The following ACTR3C variants were observed in gnomAD, a reference collection of about 807,000 sequenced individuals.
ACTR3C encodes actin-related protein 3C.
In ACTR3C, 18 loss-of-function variants were observed where a neutral mutation model predicts 26.3. That is an observed-to-expected ratio of 0.68 (90% CI 0.47 to 1.01). ACTR3C has a LOEUF of 1.01. Ranked by LOEUF, ACTR3C falls within the 50% of genes least tolerant of loss-of-function variation. The pLI is 0.00. For synonymous variants in ACTR3C, 55 were observed against 94.5 expected, an observed-to-expected ratio of 0.58 and a Z score of 2.42; for missense variants, 184 against 250.7, an observed-to-expected ratio of 0.73 and a Z score of 1.80.
At chr7:149,892,412 A>G in the ACTR3C span, 1 of 1,587,680 alleles carries the variant, frequency 6.3e-7, no homozygotes, top group African/African-American at 1.3e-5. Context: ...AAAAAAACAC[A>G]CACACACACA....
the ACTR3C span, among the ~76,000 whole-genome samples, chr7:149,967,194 C>T: frequency 6.6e-6 from 1 of 151,964 alleles, no homozygotes; most frequent in East Asian, 1.9e-4. Flanking sequence ...ACCACCACGC[C>T]CGGCTAATTT....
the ACTR3C span, among the ~76,000 whole-genome samples, chr7:150,167,947 A>AT: frequency 3.4e-4 from 51 of 150,982 alleles, no homozygotes; most frequent in Admixed American, 5.9e-4. Flanking sequence ...TTCCATAAAA[A>AT]ATATATATAT....
chr7:150,037,072 G>C, the ACTR3C span, among the ~76,000 whole-genome samples: 2 of 113,490 alleles, frequency 1.8e-5, no homozygotes, highest in African/African-American at 6.2e-5. Context: ...CGCGGGGGGT[G>C]CCTCCCCCTC....
chr7:150,037,837 C>CCCCCTCCT, the ACTR3C span, among the ~76,000 whole-genome samples: 8 of 76,044 alleles, frequency 1.1e-4, 2 homozygotes, highest in African/African-American at 4.0e-4. Flanking sequence ...GTCCCTGCCT[C>CCCCCTCCT]GCGGAGGGTG....
chr7:150,057,818 A>G, the ACTR3C span, among the ~76,000 whole-genome samples: 1 of 152,362 alleles, frequency 6.6e-6, no homozygotes, highest in African/African-American at 2.4e-5. Context: ...TACCCTGATT[A>G]AAGTGGAATG....
At chr7:150,165,916 G>A in the ACTR3C span, among the ~76,000 whole-genome samples, 1 of 151,664 alleles carries the variant, frequency 6.6e-6, no homozygotes, top group Non-Finnish European at 1.5e-5. Context: ...AGGATGGATG[G>A]TCATTTTTGA....
downstream of ACTR3C, chr7:150,244,110 T>A (rs1304878622): frequency 1.4e-5 from 2 of 144,126 alleles, no homozygotes; most frequent in African/African-American, 2.7e-5. Flanking sequence ...TCTTAGAATA[T>A]TGAATATTCA....
chr7:150,096,528 G>A, the ACTR3C span, among the ~76,000 whole-genome samples: 1,295 of 151,384 alleles, frequency 8.6e-3, 42 homozygotes, highest in African/African-American at 0.03. Context: ...AAACATTGAC[G>A]GTGAGGGTAA....
chr7:150,189,415 A>G, the ACTR3C span, among the ~76,000 whole-genome samples: 1 of 152,056 alleles, frequency 6.6e-6, no homozygotes, highest in Non-Finnish European at 1.5e-5. Flanking sequence ...GTTAAGTTAC[A>G]TAGATTAAAA....
chr7:150,084,979 G>C, the ACTR3C span, among the ~76,000 whole-genome samples: 1 of 152,114 alleles, frequency 6.6e-6, no homozygotes, highest in Non-Finnish European at 1.5e-5. Context: ...GATCGATGAG[G>C]CTTGCTGAAT....
the ACTR3C span, among the ~76,000 whole-genome samples, chr7:150,003,495 G>T: frequency 1.3e-5 from 2 of 151,020 alleles, no homozygotes; most frequent in South Asian, 4.2e-4. Context: ...GTGGTATGTA[G>T]GATGTGTGGC....
At chr7:150,299,486 AAAAAAAAAC>A (rs1795244807) in intron 1 of ACTR3C, among the ~76,000 whole-genome samples, 1 of 143,926 alleles carries the variant, frequency 6.9e-6, no homozygotes. Flanking sequence ...AAAAAAAAAA[AAAAAAAAAC>A]AAAAAACAGG....
At chr7:150,206,411 ATTTTAT>A in the ACTR3C span, among the ~76,000 whole-genome samples, 1 of 151,398 alleles carries the variant, frequency 6.6e-6, no homozygotes, top group African/African-American at 2.4e-5. Flanking sequence ...GGTTTTTTTT[ATTTTAT>A]TATTATTTTT....
the ACTR3C span, among the ~76,000 whole-genome samples, chr7:150,017,308 T>G: frequency 6.6e-6 from 1 of 151,654 alleles, no homozygotes; most frequent in South Asian, 2.1e-4. Context: ...AGTTTCAAAT[T>G]GTATTTGGTG....
chr7:150,036,290 G>C, the ACTR3C span, among the ~76,000 whole-genome samples: 9 of 147,596 alleles, frequency 6.1e-5, 1 homozygote. Context: ...GTACTAGCAG[G>C]GCAGTTGCTG....
the ACTR3C span, among the ~76,000 whole-genome samples, chr7:149,994,097 A>G: frequency 6.2e-3 from 948 of 152,332 alleles, 36 homozygotes; most frequent in Admixed American, 0.054. Flanking sequence ...ATAGTTGTCC[A>G]TTCAGTTATC....
At chr7:149,942,862 T>A in the ACTR3C span, among the ~76,000 whole-genome samples, 1 of 151,238 alleles carries the variant, frequency 6.6e-6, no homozygotes, top group African/African-American at 2.5e-5. Context: ...AGCTAATAGG[T>A]CATTTCCCTG....
the ACTR3C span, among the ~76,000 whole-genome samples, chr7:150,180,396 ATTT>A: frequency 6.6e-6 from 1 of 150,686 alleles, no homozygotes; most frequent in African/African-American, 2.5e-5. Context: ...AATGTTTGCC[ATTT>A]TTTTACTTCC....
At chr7:149,904,531 AAAAAACAACAACAACAAC>A in the ACTR3C span, among the ~76,000 whole-genome samples, 11 of 83,870 alleles carry the variant, frequency 1.3e-4, 2 homozygotes, top group Non-Finnish European at 2.7e-4. Context: ...ACTCCATCTC[AAAAAACAACAACAACAAC>A]AAAAAAAACT....
Sources: gnomAD v4.1 joint callset for allele counts (sites outside exome capture counted in the v4.1 genomes callset) on GRCh38, gnomAD v4.1.1 for gene constraint, MANE v1.5 for transcripts, NCBI Gene and HGNC (gene_info 2026-07-23, HGNC 2026-07-21) for gene names.